Variants in ANK3 observed in about 807,000 individuals in gnomAD.
ANK3 encodes ankyrin-3.
Under a neutral mutation model 370.9 loss-of-function variants are expected in ANK3, and 57 were observed. The observed-to-expected ratio is 0.15, with a 90% CI of 0.12 to 0.19. The LOEUF (loss-of-function observed/expected upper bound fraction) is 0.19, where lower values mean the gene tolerates loss of function less well. Among genes scored for constraint, ANK3 ranks in the 10% least tolerant of loss-of-function variants. The pLI, the probability that ANK3 is intolerant of heterozygous loss-of-function variation, is 1.00. For missense variants in ANK3, 4,439 were observed against 5,302.1 expected, an observed-to-expected ratio of 0.84 and a Z score of 5.06; for synonymous variants, 1,929 against 1,946.3, an observed-to-expected ratio of 0.99 and a Z score of 0.23.
At chr10:60,721,907 T>C (rs942844646) in intron 1 of ANK3, among the ~76,000 whole-genome samples, 2 of 152,152 alleles carry the variant, frequency 1.3e-5, no homozygotes, top group African/African-American at 2.4e-5. Flanking sequence ...GCTGAAATCT[T>C]ACCAGTTGGG....
intron 23 of ANK3, among the ~76,000 whole-genome samples, chr10:60,158,285 A>G (rs1363110838): frequency 2.0e-5 from 3 of 152,234 alleles, no homozygotes; most frequent in African/African-American, 2.4e-5. Context: ...ATTTAAATGC[A>G]TACAACTCAC....
At chr10:60,231,371 C>T (rs1275264614) in intron 8 of ANK3, among the ~76,000 whole-genome samples, 1 of 152,176 alleles carries the variant, frequency 6.6e-6, no homozygotes, top group Non-Finnish European at 1.5e-5. Flanking sequence ...CAGTGCTGTC[C>T]TCTGAGGTGA....
At chr10:60,431,031 C>A (rs1049986975) in intron 2 of ANK3, among the ~76,000 whole-genome samples, 6 of 152,110 alleles carry the variant, frequency 3.9e-5, no homozygotes, top group Admixed American at 6.6e-5. Context: ...TTTCCACGGA[C>A]CAGGAGAGGG....
chr10:60,641,030 A>G (rs991544984), intron 1 of ANK3, among the ~76,000 whole-genome samples: 4 of 150,090 alleles, frequency 2.7e-5, no homozygotes, highest in Admixed American at 2.0e-4. Flanking sequence ...CCCATTCACA[A>G]TTGCTTCAAA....
At position 60,230,864 on chromosome 10, in the gene ANK3, G is replaced by A. The variant is rs536662752; in HGVS notation, c.897+3824C>T. Among the ~76,000 whole-genome samples the A allele has an allele frequency of 6.0e-5, 9 of 149,408 alleles. No homozygotes were observed. In the East Asian group the frequency reaches 1.2e-3, roughly 20 times the overall value. On this transcript the variant is annotated intron_variant, in intron 8 of 43. Transcript: ENST00000280772. ...AGATTGCGCCACTGCACTCCAGACT[G>A]GGCGACTGACAGAGCGAGACTCCAT...
intron 2 of ANK3, among the ~76,000 whole-genome samples, chr10:60,494,043 T>G (rs932793510): frequency 6.6e-6 from 1 of 152,172 alleles, no homozygotes; most frequent in Non-Finnish European, 1.5e-5. Flanking sequence ...GGTGGGAGAC[T>G]TCTGGGGAAT....
chr10:60,646,632 G>A (rs995668741), intron 1 of ANK3, among the ~76,000 whole-genome samples: 1 of 152,130 alleles, frequency 6.6e-6, no homozygotes, highest in African/African-American at 2.4e-5. Flanking sequence ...ATGGAGAGAA[G>A]TCACTGGTTT....
At chr10:60,635,450 A>C (rs1031761736) in intron 1 of ANK3, among the ~76,000 whole-genome samples, 1 of 152,198 alleles carries the variant, frequency 6.6e-6, no homozygotes, top group African/African-American at 2.4e-5. Flanking sequence ...GAAGTACAAC[A>C]ACCAAGGGCC....
chr10:60,495,498 A>G (rs960492832), intron 2 of ANK3, among the ~76,000 whole-genome samples: 1 of 152,186 alleles, frequency 6.6e-6, no homozygotes, highest in African/African-American at 2.4e-5. Context: ...TCATTGAAAT[A>G]ATACAGAGCC....
chr10:60,256,589 G>T (rs1277491639), intron 7 of ANK3, among the ~76,000 whole-genome samples: 2 of 152,150 alleles, frequency 1.3e-5, no homozygotes, highest in Admixed American at 6.5e-5. Flanking sequence ...TCATCACCTA[G>T]GTTGTGAGCA....
rs1394063931 is a variant in ANK3, at chr10:60,326,213, A to G, written c.115-46574T>C. Among the ~76,000 whole-genome samples, 3 of 152,214 alleles carry G rather than the reference A, an allele frequency of 2.0e-5. No individual in the cohort carries two copies. In the East Asian group the frequency reaches 5.8e-4, roughly 29 times the overall value. On this transcript the variant is annotated intron_variant, in intron 1 of 43. Coordinates refer to ENST00000280772, the MANE Select transcript of ANK3 (RefSeq NM_020987.5). Reference sequence around the variant, plus strand: ...ATACCTGGGTGATGAAATAATCTGTATAACAAACCCCCATGACACAAGTTT... The same window carrying G: ...ATACCTGGGTGATGAAATAATCTGTGTAACAAACCCCCATGACACAAGTTT...
intron 2 of ANK3, among the ~76,000 whole-genome samples, chr10:60,483,591 AT>A (rs1054611111): frequency 1.3e-5 from 2 of 151,910 alleles, no homozygotes; most frequent in Non-Finnish European, 1.5e-5. Flanking sequence ...AAGTTAACTG[AT>A]TTTTTTTCTC....
chr10:60,091,736 G>GTTTT (rs71015765), intron 28 of ANK3, among the ~76,000 whole-genome samples: 2 of 145,326 alleles, frequency 1.4e-5, no homozygotes, highest in Non-Finnish European at 3.0e-5. Flanking sequence ...GCACATTTTT[G>GTTTT]TTTTTTTTTT....
At chr10:60,694,239 T>C (rs2079406362) in intron 1 of ANK3, among the ~76,000 whole-genome samples, 1 of 152,018 alleles carries the variant, frequency 6.6e-6, no homozygotes, top group South Asian at 2.1e-4. Flanking sequence ...CCAAGAAATA[T>C]GGGACTATGT....
intron 2 of ANK3, chr10:60,572,752 T>C (rs2077629670): frequency 7.6e-7 from 1 of 1,314,702 alleles, no homozygotes; most frequent in Non-Finnish European, 9.6e-7. Flanking sequence ...GTGTTCTCTA[T>C]ATCAAACAGT....
At chr10:60,151,371 A>G (rs2095107048) in intron 23 of ANK3, among the ~76,000 whole-genome samples, 1 of 152,242 alleles carries the variant, frequency 6.6e-6, no homozygotes, top group East Asian at 1.9e-4. Context: ...TGCTTGCTCT[A>G]TTAGTTACCG....
intron 40 of ANK3, chr10:60,062,740 C>T (rs1157963258): frequency 6.4e-6 from 1 of 156,436 alleles, no homozygotes; most frequent in East Asian, 1.9e-4. Flanking sequence ...AATGGCTCAT[C>T]GTTTGTTTTA....
intron 1 of ANK3, among the ~76,000 whole-genome samples, chr10:60,661,758 T>C (rs1346481391): frequency 6.6e-6 from 1 of 152,170 alleles, no homozygotes; most frequent in Non-Finnish European, 1.5e-5. Context: ...AGAAAAAGCA[T>C]CTGAAAATGG....
intron 30 of ANK3, among the ~76,000 whole-genome samples, chr10:60,086,082 G>T (rs1320669650): frequency 6.6e-6 from 1 of 152,172 alleles, no homozygotes; most frequent in Non-Finnish European, 1.5e-5. Flanking sequence ...AATAATCTTG[G>T]AATTGCAGTT....
Sources: allele counts gnomAD v4.1 joint callset (sites outside exome capture counted in the v4.1 genomes callset), GRCh38; gene constraint gnomAD v4.1.1; transcripts MANE v1.5; gene names NCBI Gene and HGNC (gene_info 2026-07-23, HGNC 2026-07-21).